The following RGS7 variants were observed in gnomAD, a reference collection of about 807,000 sequenced individuals.
RGS7 encodes regulator of G protein signaling 7.
A neutral mutation model predicts 81.1 loss-of-function variants in RGS7; 27 were observed. The ratio of observed to expected loss-of-function variants is 0.33; its 90% CI spans 0.25 to 0.46. RGS7 has a LOEUF of 0.46. Ranked by LOEUF, RGS7 falls within the 20% of genes least tolerant of loss-of-function variation. The pLI, the probability that RGS7 is intolerant of heterozygous loss-of-function variation, is 1.00. For synonymous variants in RGS7, 208 were observed against 207.7 expected, an observed-to-expected ratio of 1.00 and a Z score of -0.01; for missense variants, 396 against 607.4, an observed-to-expected ratio of 0.65 and a Z score of 3.66.
intron 2 of RGS7, among the ~76,000 whole-genome samples, chr1:241,320,705 T>C (rs1481878270): frequency 6.6e-6 from 1 of 152,196 alleles, no homozygotes; most frequent in Non-Finnish European, 1.5e-5. Context: ...GGAGGAACAG[T>C]GCTTCTTTCC....
chr1:241,299,065 T>A (rs2079583728), intron 2 of RGS7, among the ~76,000 whole-genome samples: 1 of 152,188 alleles, frequency 6.6e-6, no homozygotes, highest in Non-Finnish European at 1.5e-5. Context: ...GGCAAAGTAA[T>A]CTCTGCAGAC....
intron 2 of RGS7, among the ~76,000 whole-genome samples, chr1:241,216,856 T>C (rs1573179126): frequency 1.3e-5 from 2 of 152,330 alleles, no homozygotes; most frequent in Admixed American, 1.3e-4. Context: ...TGCCTAAGAA[T>C]GAAAATCAAT....
chr1:240,823,285 CA>C, intron 10 of RGS7: 1 of 622,430 alleles, frequency 1.6e-6, no homozygotes, highest in East Asian at 3.1e-5. Flanking sequence ...GACACTGGCC[CA>C]ACCATAATAA....
At chr1:241,213,259 G>A (rs1004409958) in intron 2 of RGS7, among the ~76,000 whole-genome samples, 1 of 152,212 alleles carries the variant, frequency 6.6e-6, no homozygotes, top group African/African-American at 2.4e-5. Context: ...CACAGCATAT[G>A]AAACACCTTC....
intron 2 of RGS7, among the ~76,000 whole-genome samples, chr1:241,178,626 G>A (rs2071352845): frequency 6.6e-6 from 1 of 152,186 alleles, no homozygotes; most frequent in South Asian, 2.1e-4. Flanking sequence ...ATGGTCAACA[G>A]GATAGAGAGA....
At chr1:241,207,286 A>T (rs1445893197) in intron 2 of RGS7, among the ~76,000 whole-genome samples, 4 of 149,442 alleles carry the variant, frequency 2.7e-5, no homozygotes, top group African/African-American at 4.9e-5. Context: ...CCTTCTAAAG[A>T]TCAAGAATTA....
chr1:241,095,960 T>G (rs2064219887), intron 3 of RGS7, among the ~76,000 whole-genome samples: 1 of 152,218 alleles, frequency 6.6e-6, no homozygotes, highest in South Asian at 2.1e-4. Flanking sequence ...TAATGAGGCT[T>G]TAAGGAGCAC....
At chr1:241,038,390 C>T (rs987411721) in intron 3 of RGS7, among the ~76,000 whole-genome samples, 4 of 152,124 alleles carry the variant, frequency 2.6e-5, no homozygotes, top group African/African-American at 7.2e-5. Flanking sequence ...CATTTAAAAA[C>T]GTTACCTTCC....
chr1:241,248,211 G>A (rs1479918449), intron 2 of RGS7, among the ~76,000 whole-genome samples: 4 of 151,804 alleles, frequency 2.6e-5, no homozygotes, highest in African/African-American at 7.3e-5. Context: ...ATACAACCAT[G>A]TGCACCTTCT....
At chr1:241,265,791 T>C (rs1399486668) in intron 2 of RGS7, among the ~76,000 whole-genome samples, 3 of 143,664 alleles carry the variant, frequency 2.1e-5, no homozygotes, top group South Asian at 2.3e-4. Flanking sequence ...TCGTCCTTTT[T>C]TTTTTTTTTT....
At chr1:240,819,221 GT>G (rs907999468) in intron 10 of RGS7, among the ~76,000 whole-genome samples, 8 of 151,924 alleles carry the variant, frequency 5.3e-5, no homozygotes, top group African/African-American at 1.7e-4. Flanking sequence ...ATTATTTAAA[GT>G]TTTTAAATAA....
intron 3 of RGS7, among the ~76,000 whole-genome samples, chr1:241,089,861 C>CAGGGCATGGTGG (rs1553415135): frequency 1.1e-4 from 16 of 151,682 alleles, no homozygotes; most frequent in Admixed American, 1.1e-3. Context: ...AAAAAATTAG[C>CAGGGCATGGTGG]CGGGCGCCTG....
At position 241,336,666 on chromosome 1, in the gene RGS7, T is replaced by C. The variant is rs185441307; in HGVS notation, c.78+19033A>G. 6.8e-3 allele frequency among the ~76,000 whole-genome samples: 1,037 copies of C among 152,334 alleles called. 9 individuals are homozygous for C. The highest frequency in any genetic ancestry group is 0.01 in the Middle Eastern group (3 of 294). On this transcript the variant is annotated intron_variant, in intron 2 of 18. Transcript: ENST00000440928. ...GAAACTCTTTTCTTTCTTAGGACTA[T>C]ATGAATGATTAACCCTGTAATCTTC...
chr1:240,835,975 A>G (rs879445183), intron 9 of RGS7, among the ~76,000 whole-genome samples: 2 of 152,212 alleles, frequency 1.3e-5, no homozygotes, highest in Non-Finnish European at 2.9e-5. Context: ...ATTTTAGGGT[A>G]GTGAAACTGT....
At chr1:240,921,252 G>GA (rs1291331315) in intron 6 of RGS7, among the ~76,000 whole-genome samples, 1 of 151,862 alleles carries the variant, frequency 6.6e-6, no homozygotes, top group Admixed American at 6.6e-5. Flanking sequence ...AATGGTACCA[G>GA]AAAAAACTAT....
chr1:241,237,917 C>T (rs2076067346), intron 2 of RGS7, among the ~76,000 whole-genome samples: 1 of 152,160 alleles, frequency 6.6e-6, no homozygotes, highest in South Asian at 2.1e-4. Flanking sequence ...TGAGGCAAAA[C>T]CAGATTTATC....
At chr1:241,346,317 G>A (rs970711305) in intron 2 of RGS7, among the ~76,000 whole-genome samples, 1 of 152,080 alleles carries the variant, frequency 6.6e-6, no homozygotes, top group African/African-American at 2.4e-5. Flanking sequence ...TAAGCTCCGC[G>A]ATGGTTCAGA....
At chr1:241,286,291 C>T (rs1161984552) in intron 2 of RGS7, among the ~76,000 whole-genome samples, 2 of 152,198 alleles carry the variant, frequency 1.3e-5, no homozygotes, top group Non-Finnish European at 2.9e-5. Flanking sequence ...GACAATGTTA[C>T]ACTGCTTCTT....
At chr1:241,168,714 C>G (rs929373666) in intron 2 of RGS7, among the ~76,000 whole-genome samples, 4 of 143,742 alleles carry the variant, frequency 2.8e-5, no homozygotes, top group African/African-American at 1.1e-4. Flanking sequence ...CTTTCTCTCT[C>G]TCTCTGTCTC....
Sources: gnomAD v4.1 joint callset for allele counts (sites outside exome capture counted in the v4.1 genomes callset) on GRCh38, gnomAD v4.1.1 for gene constraint, MANE v1.5 for transcripts, NCBI Gene and HGNC (gene_info 2026-07-23, HGNC 2026-07-21) for gene names.